The following PLSCR4 variants were observed in gnomAD, a reference collection of about 807,000 sequenced individuals.
PLSCR4 encodes the protein phospholipid scramblase 4.
Under a neutral mutation model 36.3 loss-of-function variants are expected in PLSCR4, and 25 were observed. The ratio of observed to expected loss-of-function variants is 0.69; its 90% confidence interval spans 0.50 to 0.96. The LOEUF (loss-of-function observed/expected upper bound fraction) is 0.96. PLSCR4 is among the 40% of genes least tolerant of loss of function. PLSCR4 has a pLI of 0.00. For synonymous variants in PLSCR4, 122 were observed against 132.9 expected, an observed-to-expected ratio of 0.92 and a Z score of 0.56; for missense variants, 408 against 414.7, an observed-to-expected ratio of 0.98 and a Z score of 0.14.
intron 4 of PLSCR4, 36 bp downstream of exon 4, chr3:146,206,490 T>A: frequency 6.7e-7 from 1 of 1,491,884 alleles, no homozygotes; most frequent in Non-Finnish European, 9.3e-7. Context: ...TATGGTCACA[T>A]TTCATAAGAA....
At chr3:146,231,155 G>A (rs924158362) in intron 1 of PLSCR4, among the ~76,000 whole-genome samples, 7 of 152,126 alleles carry the variant, frequency 4.6e-5, no homozygotes, top group East Asian at 1.9e-4. Flanking sequence ...CCCTTAGGAT[G>A]ATGGCCTCCA....
chr3:146,198,870 T>G (rs1243868295), intron 6 of PLSCR4, among the ~76,000 whole-genome samples: 2 of 152,130 alleles, frequency 1.3e-5, no homozygotes, highest in African/African-American at 4.8e-5. Context: ...TATAAGGCTG[T>G]TATCACAAAG....
chr3:146,238,000 G>A (rs1463460125), intron 1 of PLSCR4, among the ~76,000 whole-genome samples: 2 of 151,592 alleles, frequency 1.3e-5, no homozygotes, highest in African/African-American at 4.8e-5. Context: ...TGAATGAAAA[G>A]AGCCATATTA....
intron 1 of PLSCR4, among the ~76,000 whole-genome samples, chr3:146,231,514 C>T (rs923937606): frequency 1.3e-5 from 2 of 152,084 alleles, no homozygotes; most frequent in East Asian, 3.9e-4. Context: ...GTAACTTCAC[C>T]AACATCTATT....
chr3:146,225,477 C>A (rs1161379824), intron 1 of PLSCR4, among the ~76,000 whole-genome samples: 1 of 152,168 alleles, frequency 6.6e-6, no homozygotes, highest in Non-Finnish European at 1.5e-5. Flanking sequence ...TGCGGTGGAG[C>A]AGGGGGTGGT....
chr3:146,227,192 G>A (rs1238254397), intron 1 of PLSCR4, among the ~76,000 whole-genome samples: 1 of 152,186 alleles, frequency 6.6e-6, no homozygotes, highest in Non-Finnish European at 1.5e-5. Context: ...AAACCAGACT[G>A]GAAAACTGAG....
intron 4 of PLSCR4, among the ~76,000 whole-genome samples, chr3:146,203,672 A>C (rs2034165052): frequency 6.6e-6 from 1 of 151,844 alleles, no homozygotes; most frequent in Non-Finnish European, 1.5e-5. Flanking sequence ...CCAGCTTCAA[A>C]CTTTTTTTTT....
chr3:146,201,011 G>T, intron 5 of PLSCR4, 24 bp downstream of exon 5: 1 of 1,463,838 alleles, frequency 6.8e-7, no homozygotes, highest in Non-Finnish European at 9.3e-7. Context: ...AAATACTGCT[G>T]AGCACTACAA....
At chr3:146,243,820 A>G (rs1265307511) in intron 1 of PLSCR4, among the ~76,000 whole-genome samples, 1 of 152,160 alleles carries the variant, frequency 6.6e-6, no homozygotes, top group African/African-American at 2.4e-5. Context: ...TTTGTAGAGA[A>G]AACACTTGCT....
intron 6 of PLSCR4, among the ~76,000 whole-genome samples, chr3:146,198,911 A>G (rs1394938701): frequency 6.6e-6 from 1 of 152,120 alleles, no homozygotes; most frequent in Admixed American, 6.6e-5. Context: ...AGATTTCTGA[A>G]AAGAGAAAAT....
intron 1 of PLSCR4, among the ~76,000 whole-genome samples, chr3:146,226,005 A>C (rs9838816): frequency 0.36 from 55,332 of 152,130 alleles, 10,156 homozygotes; most frequent in African/African-American, 0.41. Flanking sequence ...CCACGTAAGA[A>C]TGTTCAGTAG....
intron 4 of PLSCR4, among the ~76,000 whole-genome samples, chr3:146,204,673 C>T (rs1286793271): frequency 1.3e-5 from 2 of 151,782 alleles, no homozygotes; most frequent in East Asian, 1.9e-4. Context: ...CTGTCAGAAT[C>T]ATAAAAGAAA....
At chr3:146,221,051 T>C in intron 2 of PLSCR4, 126 bp from the exon 3 acceptor site, 2 of 559,514 alleles carry the variant, frequency 3.6e-6, no homozygotes, top group Non-Finnish European at 6.3e-6. Context: ...CACTCCTATA[T>C]TTTTTAAAGA....
chr3:146,199,561 A>G (rs2033930135), intron 6 of PLSCR4, among the ~76,000 whole-genome samples: 1 of 152,174 alleles, frequency 6.6e-6, no homozygotes, highest in South Asian at 2.1e-4. Context: ...TGATGGAATC[A>G]TAATTATTGA....
chr3:146,202,588 C>T (rs368894257), intron 4 of PLSCR4, among the ~76,000 whole-genome samples: 2 of 151,896 alleles, frequency 1.3e-5, no homozygotes, highest in Non-Finnish European at 2.9e-5. Context: ...CCCAGGTTGG[C>T]GGCAGCAATT....
chr3:146,227,602 A>T (rs947853263), intron 1 of PLSCR4, among the ~76,000 whole-genome samples: 2 of 147,594 alleles, frequency 1.4e-5, no homozygotes, highest in African/African-American at 5.4e-5. Context: ...CAATCACAAA[A>T]CTCAACAGGA....
chr3:146,228,048 T>C lies in PLSCR4; in HGVS notation c.-21-5956A>G, dbSNP rs564713676. ...TGGGTTCAAATCTCAGATCTTTCTC[T>C]GATGGCTGTGTAATCCTGAATGACT... On this transcript the variant is annotated intron_variant, in intron 1 of 8. Transcript: ENST00000354952. Among the ~76,000 whole-genome samples, 11 of 152,330 alleles carry C rather than the reference T, an allele frequency of 7.2e-5. No individual in the cohort carries two copies. In the South Asian group the frequency reaches 1.0e-3, roughly 14 times the overall value.
chr3:146,194,512 C>T (rs1512902), intron 8 of PLSCR4, 57 bp from the exon 9 acceptor site: 238,110 of 994,184 alleles, frequency 0.24, 31,414 homozygotes, highest in Non-Finnish European at 0.28. Flanking sequence ...ATAATGCATG[C>T]GGTATTATCC....
At chr3:146,245,189 G>A (rs926853138) in intron 1 of PLSCR4, among the ~76,000 whole-genome samples, 1 of 151,976 alleles carries the variant, frequency 6.6e-6, no homozygotes, top group African/African-American at 2.4e-5. Context: ...GATAAGGAAA[G>A]AAAATGGAAG....
Sources: allele counts gnomAD v4.1 joint callset (sites outside exome capture counted in the v4.1 genomes callset), GRCh38; gene constraint gnomAD v4.1.1; transcripts MANE v1.5; gene names NCBI Gene and HGNC (gene_info 2026-07-23, HGNC 2026-07-21).